FOXK2: variants seen among roughly 807,000 people sequenced by gnomAD.
FOXK2 encodes the protein forkhead box protein K2.
A neutral mutation model predicts 53.3 loss-of-function variants in FOXK2; 24 were observed. The ratio of observed to expected loss-of-function variants is 0.45; its 90% CI spans 0.33 to 0.63. FOXK2 has a LOEUF of 0.63. Among genes scored for constraint, FOXK2 ranks in the 30% least tolerant of loss-of-function variants. The pLI is 0.03. For missense variants in FOXK2, 952 were observed against 910.5 expected, an observed-to-expected ratio of 1.05 and a Z score of -0.59; for synonymous variants, 505 against 407.1, an observed-to-expected ratio of 1.24 and a Z score of -2.89.
intron 1 of FOXK2, among the ~76,000 whole-genome samples, chr17:82,523,270 A>G (rs2044384774): frequency 6.6e-6 from 1 of 152,144 alleles, no homozygotes; most frequent in Admixed American, 6.6e-5. Flanking sequence ...CTGAGTACAC[A>G]AGGGGATGAG....
Position 82,590,873 on chromosome 17 carries a change from ACT to A in FOXK2, c.1786+3605_1786+3606del, listed in dbSNP as rs533371794. On this transcript the variant is annotated intron_variant, in intron 8 of 8. Coordinates refer to ENST00000335255, the MANE Select transcript of FOXK2 (RefSeq NM_004514.4). ...GGAGGGACTGCACAGGCTGCCTGAG[ACT>A]CTCCCAGGGGTACCAGAGGGCTCAG... Among the ~76,000 whole-genome samples, 12 of 152,018 alleles carry A rather than the reference ACT, an allele frequency of 7.9e-5. No individual in the cohort carries two copies. In the East Asian group the frequency reaches 2.1e-3, roughly 27 times the overall value.
chr17:82,536,808 C>T (rs1411223071), intron 1 of FOXK2, among the ~76,000 whole-genome samples: 4 of 152,216 alleles, frequency 2.6e-5, no homozygotes, highest in Non-Finnish European at 4.4e-5. Flanking sequence ...CCCAGGTTTT[C>T]GCCTTAGGCA....
Position 82,519,927 on chromosome 17 carries a change from G to T in FOXK2, c.39G>T (p.Thr13=), listed in dbSNP as rs1292505398. ...AAAAALSGAG[T]PPAGGGAGGG... is the part of the protein sequence containing the mutation. ...CGGCGGCGCTCTCGGGCGCGGGCAC[G>T]CCACCCGCGGGCGGCGGGGCCGGGG... Residue 13 remains threonine (T), a synonymous_variant, in exon 1 of 9, where the codon ACG becomes ACT. Coordinates refer to ENST00000335255, the MANE Select transcript of FOXK2 (RefSeq NM_004514.4). 2 of 978,246 alleles carry T rather than the reference G, an allele frequency of 2.0e-6. No homozygotes were observed. The highest frequency in any genetic ancestry group is 1.2e-4 in the East Asian group (1 of 8,604). 60.6% of individuals were successfully genotyped at this position (978,246 alleles called of 1,614,324 possible). A position where few individuals can be genotyped will look rare whatever the true frequency, so the allele number is the denominator to read the frequency against.
chr17:82,553,679 G>A (rs1375262343), intron 1 of FOXK2, among the ~76,000 whole-genome samples: 1 of 152,190 alleles, frequency 6.6e-6, no homozygotes, highest in Non-Finnish European at 1.5e-5. Flanking sequence ...TAGACCTTGG[G>A]ATGTGTGCTG....
chr17:82,594,774 C>T (rs757760388), intron 8 of FOXK2, among the ~76,000 whole-genome samples: 3 of 152,076 alleles, frequency 2.0e-5, no homozygotes, highest in Admixed American at 6.5e-5. Context: ...AGCTGGGCGC[C>T]GTGGCTCACG....
At chr17:82,584,777 C>T (rs1398165528) in intron 6 of FOXK2, among the ~76,000 whole-genome samples, 1 of 152,166 alleles carries the variant, frequency 6.6e-6, no homozygotes, top group East Asian at 1.9e-4. Context: ...ATCTCTTGAC[C>T]TCGTGACCTC....
chr17:82,559,204 G>T (rs1024406781), intron 1 of FOXK2: 2 of 382,508 alleles, frequency 5.2e-6, no homozygotes, highest in Admixed American at 5.6e-5. Context: ...TAGTAGTACA[G>T]TGTTTGATTT....
At chr17:82,599,229 T>G (rs1162606572) in intron 8 of FOXK2, 2 of 152,066 alleles carry the variant, frequency 1.3e-5, no homozygotes, top group African/African-American at 2.4e-5. Context: ...TCCCGAGTAG[T>G]TGGGACTATA....
intron 1 of FOXK2, among the ~76,000 whole-genome samples, chr17:82,520,623 C>G (rs571882185): frequency 3.1e-4 from 47 of 152,350 alleles, no homozygotes; most frequent in African/African-American, 1.1e-3. Flanking sequence ...TTCACGTGTG[C>G]TGTTTCTATT....
Position 82,603,071 on chromosome 17 carries a change from C to T in FOXK2, c.*1572C>T, listed in dbSNP as rs1436193145. On this transcript the variant is annotated 3_prime_UTR_variant, in exon 9 of 9. Coordinates refer to ENST00000335255, the MANE Select transcript of FOXK2 (RefSeq NM_004514.4). The stretch of plus-strand genomic sequence containing the variant: ...CTGTTCCGTGAATTGTGTCGGCCCT[C>T]AGCATGGGGCTGGGGCAGCGTCACT... 1 of 152,602 alleles carries T rather than the reference C, an allele frequency of 6.6e-6. No individual in the cohort carries two copies. The highest frequency in any genetic ancestry group is 2.4e-5 in the African/African-American group (1 of 41,452). The allele number at this position is 152,602 out of a possible 1,614,324, so 9.5% of individuals were successfully genotyped here. A position where few individuals can be genotyped will look rare whatever the true frequency, so the allele number is the denominator to read the frequency against.
intron 1 of FOXK2, among the ~76,000 whole-genome samples, chr17:82,557,512 T>C (rs1246602317): frequency 6.6e-6 from 1 of 152,010 alleles, no homozygotes; most frequent in Non-Finnish European, 1.5e-5. Flanking sequence ...CCTGGCTGAT[T>C]TTTGTATTTT....
intron 8 of FOXK2, chr17:82,595,971 G>A (rs1444363117): frequency 1.7e-6 from 2 of 1,197,392 alleles, no homozygotes; most frequent in African/African-American, 3.2e-5. Flanking sequence ...CAGCGTGGAT[G>A]CTGTTCCGAG....
chr17:82,573,491 T>G (rs2044942518), intron 4 of FOXK2, among the ~76,000 whole-genome samples: 1 of 152,114 alleles, frequency 6.6e-6, no homozygotes, highest in African/African-American at 2.4e-5. Flanking sequence ...GTATTTACTC[T>G]ATAAAACTGA....
chr17:82,550,520 TGAG>T (rs2044665831), intron 1 of FOXK2, among the ~76,000 whole-genome samples: 1 of 150,548 alleles, frequency 6.6e-6, no homozygotes. Context: ...TTTTTTTTTT[TGAG>T]ATGGAGTCTT....
rs115441010 is a variant in FOXK2 at position 82,549,632 on chromosome 17, G to A, written c.420-13722G>A. On this transcript the variant is annotated intron_variant, in intron 1 of 8. Coordinates refer to ENST00000335255, the MANE Select transcript of FOXK2 (RefSeq NM_004514.4). Reference sequence around the variant, plus strand: ...TGCAGTGCAGCAAATGGGAGATGGGGGCCAAAACCCCCCAAATTACTCTCC... The same window carrying A: ...TGCAGTGCAGCAAATGGGAGATGGGAGCCAAAACCCCCCAAATTACTCTCC... Among the ~76,000 whole-genome samples the A allele has an allele frequency of 5.3e-3, 800 of 152,172 alleles. 5 individuals carry two copies. The highest frequency in any genetic ancestry group is 0.018 in the African/African-American group (764 of 41,490).
intron 8 of FOXK2, among the ~76,000 whole-genome samples, chr17:82,590,506 AT>A (rs1332096470): frequency 1.3e-5 from 2 of 152,020 alleles, no homozygotes; most frequent in African/African-American, 4.8e-5. Flanking sequence ...CTTTGAAGAA[AT>A]TTTTTTTAAG....
chr17:82,571,713 T>C lies in FOXK2; in HGVS notation c.763-11T>C. 3.3e-6 allele frequency: 5 copies of C among 1,505,116 alleles called. No individual in the cohort carries two copies. Among genetic ancestry groups the C allele is most frequent in the Non-Finnish European group, 4.4e-6 (5 of 1,128,636 alleles). 93.2% of individuals were successfully genotyped at this position (1,505,116 alleles called of 1,614,324 possible). On this transcript the variant is annotated splice_polypyrimidine_tract_variant and intron_variant, in intron 3 of 8. Coordinates refer to ENST00000335255, the MANE Select transcript of FOXK2 (RefSeq NM_004514.4). ...TTCAATATTCGTTTTGTGTTTGTTTTTTAAATACAGGATGATTCAAAGCCG... is the reference window on the plus strand; with the variant it reads ...TTCAATATTCGTTTTGTGTTTGTTTCTTAAATACAGGATGATTCAAAGCCG...
chr17:82,552,509 T>G (rs996467540), intron 1 of FOXK2, among the ~76,000 whole-genome samples: 1 of 150,314 alleles, frequency 6.7e-6, no homozygotes, highest in African/African-American at 2.4e-5. Context: ...CTCCTGTCGC[T>G]TTAATCCTCT....
chr17:82,537,703 G>T (rs186577776), intron 1 of FOXK2, among the ~76,000 whole-genome samples: 7 of 151,142 alleles, frequency 4.6e-5, no homozygotes, highest in Admixed American at 4.0e-4. Context: ...AGGCGGGCAG[G>T]TCACGAGGTC....
Sources: gnomAD v4.1 joint callset for allele counts (sites outside exome capture counted in the v4.1 genomes callset) on GRCh38, gnomAD v4.1.1 for gene constraint, MANE v1.5 for transcripts, NCBI Gene and HGNC (gene_info 2026-07-23, HGNC 2026-07-21) for gene names.